Variants in ERC1 observed in about 807,000 individuals in gnomAD.
ERC1 encodes the protein ELKS/RAB6-interacting/CAST family member 1.
Under a neutral mutation model 132.0 loss-of-function variants are expected in ERC1, and 56 were observed. That is an observed-to-expected ratio of 0.42 (90% CI 0.34 to 0.53). The LOEUF is 0.53. Ranked by LOEUF, ERC1 falls within the 20% of genes least tolerant of loss-of-function variation. The pLI is 0.03. For synonymous variants in ERC1, 478 were observed against 476.1 expected (o/e 1.00, Z -0.05); for missense variants, 1,202 against 1,349.9 (o/e 0.89, Z 1.72).
In ERC1 at chr12:1,440,429, A is replaced by G. The variant is rs1041262959; in HGVS notation, c.3025-4133A>G. ...CACCGTGTTAGCCAGGATGGTCTCG[A>G]TCTCCTGACCTCGTGATCTGCCCTC... On this transcript the variant is annotated intron_variant, in intron 17 of 18. Coordinates refer to ENST00000360905, the MANE Select transcript of ERC1 (RefSeq NM_178040.4). Among the ~76,000 whole-genome samples the G allele has an allele frequency of 7.4e-5, 11 of 147,668 alleles. 1 individual carries two copies. Among genetic ancestry groups the G allele is most frequent in the East Asian group, 6.0e-4 (3 of 4,994 alleles).
intron 2 of ERC1, among the ~76,000 whole-genome samples, chr12:1,067,597 AG>A (rs1373011667): frequency 6.6e-6 from 1 of 152,146 alleles, no homozygotes; most frequent in African/African-American, 2.4e-5. Flanking sequence ...ATGAGTGCTC[AG>A]GGGTGTGCCC....
At chr12:1,400,575 C>T (rs2090935315) in intron 16 of ERC1, among the ~76,000 whole-genome samples, 1 of 151,870 alleles carries the variant, frequency 6.6e-6, no homozygotes. Flanking sequence ...GCTCTTTGGC[C>T]CATTTTGAGT....
intron 15 of ERC1, among the ~76,000 whole-genome samples, chr12:1,323,353 A>G (rs879467777): frequency 6.6e-6 from 1 of 152,230 alleles, no homozygotes; most frequent in Non-Finnish European, 1.5e-5. Context: ...CTGACAGCCA[A>G]TGTAAGATAT....
chr12:1,335,828 G>A (rs1392772518), intron 15 of ERC1, among the ~76,000 whole-genome samples: 3 of 152,128 alleles, frequency 2.0e-5, no homozygotes, highest in Admixed American at 2.0e-4. Flanking sequence ...ACATCTGGTA[G>A]AATTTAGCTG....
At chr12:1,243,543 G>T (rs374417628) in intron 13 of ERC1, among the ~76,000 whole-genome samples, 3 of 152,204 alleles carry the variant, frequency 2.0e-5, no homozygotes, top group African/African-American at 7.2e-5. Flanking sequence ...GTAAAAGGAG[G>T]CACTCACTTC....
chr12:1,462,784 A>G (rs2093667998), intron 18 of ERC1, among the ~76,000 whole-genome samples: 1 of 152,188 alleles, frequency 6.6e-6, no homozygotes, highest in Non-Finnish European at 1.5e-5. Context: ...ATTCAGTTGT[A>G]CACCTAAAGA....
chr12:1,489,687 G>T (rs2094297103), intron 18 of ERC1, among the ~76,000 whole-genome samples: 1 of 152,174 alleles, frequency 6.6e-6, no homozygotes, highest in African/African-American at 2.4e-5. Context: ...GCGATACACG[G>T]CAAATGGAGA....
At chr12:1,286,001 A>G (rs1241984134) in intron 14 of ERC1, among the ~76,000 whole-genome samples, 1 of 152,216 alleles carries the variant, frequency 6.6e-6, no homozygotes, top group African/African-American at 2.4e-5. Context: ...AACTACTGTA[A>G]TCCTGGCTAG....
chr12:1,020,534 C>A (rs1013435587), intron 1 of ERC1: 1 of 152,198 alleles, frequency 6.6e-6, no homozygotes, highest in African/African-American at 2.4e-5. Flanking sequence ...CTCAGGGTAT[C>A]TAGTGAGGTT....
Position 1,358,130 on chromosome 12 carries a change from C to T in ERC1, c.2781-13703C>T, listed in dbSNP as rs74057170. On this transcript the variant is annotated intron_variant, in intron 15 of 18. Transcript: ENST00000360905. Reference sequence around the variant, plus strand: ...TCTTGGGAGGATGGCTTGAGCCCAGCAGTTTGAGGCTACAGTGAGCTGCGA... The same window carrying T: ...TCTTGGGAGGATGGCTTGAGCCCAGTAGTTTGAGGCTACAGTGAGCTGCGA... Among the ~76,000 whole-genome samples, 238 of 150,390 alleles carry T rather than the reference C, an allele frequency of 1.6e-3. 2 individuals carry two copies. Among genetic ancestry groups the T allele is most frequent in the African/African-American group, 5.6e-3 (227 of 40,828 alleles).
At chr12:1,420,435 CT>C (rs1217730698) in intron 17 of ERC1, among the ~76,000 whole-genome samples, 2 of 150,894 alleles carry the variant, frequency 1.3e-5, no homozygotes, top group Non-Finnish European at 3.0e-5. Flanking sequence ...TGAGGTTAAA[CT>C]TTTTTTTATT....
intron 8 of ERC1, among the ~76,000 whole-genome samples, chr12:1,157,951 A>C (rs1238207881): frequency 6.6e-6 from 1 of 152,234 alleles, no homozygotes; most frequent in Non-Finnish European, 1.5e-5. Context: ...AAACTGTCCA[A>C]AACTGATAAC....
At chr12:1,437,714 CATA>C (rs1402540609) in intron 17 of ERC1, among the ~76,000 whole-genome samples, 3 of 152,168 alleles carry the variant, frequency 2.0e-5, no homozygotes, top group Non-Finnish European at 4.4e-5. Flanking sequence ...GCTTTGAGGA[CATA>C]ATGTTTTCTC....
At chr12:1,414,095 G>A (rs1379647979) in intron 17 of ERC1, among the ~76,000 whole-genome samples, 1 of 152,230 alleles carries the variant, frequency 6.6e-6, no homozygotes, top group Non-Finnish European at 1.5e-5. Flanking sequence ...TGATCCAGGA[G>A]GCGGAGCTCA....
chr12:1,309,726 T>A (rs1178337350), intron 15 of ERC1, among the ~76,000 whole-genome samples: 2 of 151,766 alleles, frequency 1.3e-5, no homozygotes, highest in African/African-American at 4.8e-5. Context: ...TTTTTTTTTT[T>A]TTTTTTTAAT....
intron 17 of ERC1, among the ~76,000 whole-genome samples, chr12:1,426,650 G>A (rs2092650798): frequency 1.3e-5 from 2 of 152,228 alleles, no homozygotes; most frequent in Middle Eastern, 3.4e-3. Flanking sequence ...ACGTTTTGTG[G>A]ACTACAGTAG....
intron 1 of ERC1, among the ~76,000 whole-genome samples, chr12:1,026,475 A>C (rs758174352): frequency 2.0e-5 from 3 of 152,218 alleles, no homozygotes; most frequent in Non-Finnish European, 2.9e-5. Flanking sequence ...AGTACTATAC[A>C]GTTTTCGTTA....
chr12:1,143,714 GA>G (rs1190070964), intron 8 of ERC1, among the ~76,000 whole-genome samples: 2 of 151,404 alleles, frequency 1.3e-5, no homozygotes, highest in African/African-American at 2.4e-5. Flanking sequence ...AATTTATAGA[GA>G]ATTGACAAGA....
chr12:1,165,897 C>CT (rs1952376390), intron 8 of ERC1, among the ~76,000 whole-genome samples: 1 of 152,140 alleles, frequency 6.6e-6, no homozygotes, highest in Non-Finnish European at 1.5e-5. Context: ...ACCATCATCA[C>CT]TGTCCAATTT....
Sources: allele counts gnomAD v4.1 joint callset (sites outside exome capture counted in the v4.1 genomes callset), GRCh38; gene constraint gnomAD v4.1.1; transcripts MANE v1.5; gene names NCBI Gene and HGNC (gene_info 2026-07-23, HGNC 2026-07-21).